PHKB: variants seen among roughly 807,000 people sequenced by gnomAD.
The protein encoded by PHKB is phosphorylase b kinase regulatory subunit beta.
PHKB carries 122 observed loss-of-function variants against 152.1 expected under a neutral mutation model. The observed-to-expected ratio is 0.80, with a 90% CI of 0.69 to 0.93. The LOEUF (loss-of-function observed/expected upper bound fraction) is 0.93, where lower values mean the gene tolerates loss of function less well. Ranked by LOEUF, PHKB falls within the 40% of genes least tolerant of loss-of-function variation. The probability of loss-of-function intolerance (pLI) is 0.00; values close to 1 mark genes in which losing one functional copy is unlikely to be tolerated. For missense variants in PHKB, 1,304 were observed against 1,328.4 expected (o/e 0.98, Z 0.29); for synonymous variants, 436 against 464.9 (o/e 0.94, Z 0.80).
intron 7 of PHKB, among the ~76,000 whole-genome samples, chr16:47,560,986 T>G (rs977040950): frequency 3.3e-5 from 5 of 152,204 alleles, no homozygotes; most frequent in African/African-American, 1.2e-4. Flanking sequence ...AGGTGCTCAT[T>G]CGGTGTTCAA....
intron 14 of PHKB, among the ~76,000 whole-genome samples, chr16:47,630,448 C>T (rs1169265448): frequency 1.3e-5 from 2 of 151,618 alleles, no homozygotes; most frequent in Non-Finnish European, 2.9e-5. Flanking sequence ...CGCTGCTGCA[C>T]TCCAGCCTGG....
At chr16:47,563,293 ACTAT>A (rs1438278680) in intron 7 of PHKB, among the ~76,000 whole-genome samples, 2 of 151,470 alleles carry the variant, frequency 1.3e-5, no homozygotes, top group Admixed American at 6.6e-5. Context: ...CAGAGGAATC[ACTAT>A]CTATGGCAGC....
Position 47,499,819 on chromosome 16 carries a change from G to A in PHKB, c.230G>A (p.Gly77Asp), listed in dbSNP as rs779641599. The A allele has an allele frequency of 6.2e-7, 1 of 1,614,198 alleles. No homozygotes were observed. Among genetic ancestry groups the A allele is most frequent in the South Asian group, 1.1e-5 (1 of 91,084 alleles). ...GGTCTCTTTCCCACTAAAACATGCG[G>A]TGGTGACCAGAAGGCCAAGATCCAG... ...TTGLFPTKTC[G>D]GDQKAKIQDS... Residue 77 changes from glycine to aspartate, a missense_variant, in exon 3 of 31, where the codon GGT (glycine) becomes GAT (aspartate). Transcript: ENST00000323584.
chr16:47,571,137 T>G (rs1971651153), intron 7 of PHKB, among the ~76,000 whole-genome samples: 1 of 152,142 alleles, frequency 6.6e-6, no homozygotes, highest in Admixed American at 6.5e-5. Flanking sequence ...TGTGGGAAGG[T>G]TCACTGTCTC....
chr16:47,538,052 C>A (rs868259742), intron 6 of PHKB, among the ~76,000 whole-genome samples: 5 of 152,080 alleles, frequency 3.3e-5, no homozygotes, highest in African/African-American at 9.6e-5. Context: ...GTTACCATGC[C>A]CAGCTAATTT....
At chr16:47,661,842 C>T (rs750001746) in intron 23 of PHKB, 42 bp downstream of exon 23, 2 of 1,233,354 alleles carry the variant, frequency 1.6e-6, no homozygotes, top group East Asian at 2.3e-5. Context: ...GAGGACCTCT[C>T]TAGCCTTGAA....
chr16:47,660,399 A>C, intron 20 of PHKB, 107 bp from the exon 21 acceptor site: 1 of 853,706 alleles, frequency 1.2e-6, no homozygotes, highest in East Asian at 2.5e-5. Context: ...TATATTTTTA[A>C]GCAATTTTTT....
intron 29 of PHKB, among the ~76,000 whole-genome samples, chr16:47,697,903 A>G (rs1298989747): frequency 6.6e-6 from 1 of 152,226 alleles, no homozygotes; most frequent in African/African-American, 2.4e-5. Flanking sequence ...CAGGGGTCAG[A>G]GTTAAACATA....
intron 6 of PHKB, among the ~76,000 whole-genome samples, chr16:47,533,730 G>A (rs1970903062): frequency 6.6e-6 from 1 of 152,170 alleles, no homozygotes. Context: ...CAGGGAGGGG[G>A]TTTCTTGGGC....
At chr16:47,491,968 C>G (rs1233661071) in intron 1 of PHKB, among the ~76,000 whole-genome samples, 1 of 152,170 alleles carries the variant, frequency 6.6e-6, no homozygotes, top group Non-Finnish European at 1.5e-5. Flanking sequence ...TAATACCTGA[C>G]TTTAGCCAGG....
intron 1 of PHKB, among the ~76,000 whole-genome samples, chr16:47,494,000 G>A (rs754383425): frequency 1.3e-5 from 2 of 152,182 alleles, no homozygotes; most frequent in Non-Finnish European, 2.9e-5. Flanking sequence ...TTAAGAATAT[G>A]TACAAATTGA....
chr16:47,512,969 G>C (rs1970535625), intron 5 of PHKB, among the ~76,000 whole-genome samples: 1 of 152,164 alleles, frequency 6.6e-6, no homozygotes, highest in African/African-American at 2.4e-5. Flanking sequence ...GTACTTATTT[G>C]TAAACAGCTC....
chr16:47,574,377 G>T (rs899391286), intron 7 of PHKB, among the ~76,000 whole-genome samples: 1 of 152,174 alleles, frequency 6.6e-6, no homozygotes, highest in Non-Finnish European at 1.5e-5. Flanking sequence ...GACTCACCAT[G>T]TAGGTTGCCA....
chr16:47,479,861 C>T (rs746048784), intron 1 of PHKB, among the ~76,000 whole-genome samples: 3 of 152,164 alleles, frequency 2.0e-5, no homozygotes, highest in Non-Finnish European at 2.9e-5. Context: ...CTTCCTTTCA[C>T]TGGTATGGCA....
chr16:47,613,761 A>C (rs1972468788), intron 14 of PHKB, among the ~76,000 whole-genome samples: 1 of 152,134 alleles, frequency 6.6e-6, no homozygotes, highest in African/African-American at 2.4e-5. Flanking sequence ...TTATAATCAT[A>C]CCCACTTCCT....
chr16:47,584,167 G>A (rs963877218), intron 8 of PHKB, among the ~76,000 whole-genome samples: 1 of 151,828 alleles, frequency 6.6e-6, no homozygotes, highest in Non-Finnish European at 1.5e-5. Flanking sequence ...ATAATGATTT[G>A]TTTACAATAA....
chr16:47,632,587 T>C (rs1181068950), intron 14 of PHKB, among the ~76,000 whole-genome samples: 1 of 152,176 alleles, frequency 6.6e-6, no homozygotes, highest in African/African-American at 2.4e-5. Flanking sequence ...TGATTGGTTG[T>C]TAGATGGAGG....
chr16:47,503,111 C>G (rs767562750), intron 4 of PHKB, 21 bp downstream of exon 4: 1 of 1,363,046 alleles, frequency 7.3e-7, no homozygotes, highest in East Asian at 2.3e-5. Flanking sequence ...GTGGTGTGGA[C>G]GGGAATTCTC....
At chr16:47,595,384 G>A (rs1247093437) in intron 12 of PHKB, among the ~76,000 whole-genome samples, 1 of 152,122 alleles carries the variant, frequency 6.6e-6, no homozygotes, top group African/African-American at 2.4e-5. Flanking sequence ...TTTACTGTGG[G>A]CTAATATTGC....
Sources: allele counts gnomAD v4.1 joint callset (sites outside exome capture counted in the v4.1 genomes callset), GRCh38; gene constraint gnomAD v4.1.1; transcripts MANE v1.5; gene names NCBI Gene and HGNC (gene_info 2026-07-23, HGNC 2026-07-21).